Variants in AGBL4 observed in about 807,000 individuals in gnomAD.
AGBL4 encodes cytosolic carboxypeptidase 6.
A neutral mutation model predicts 66.4 loss-of-function variants in AGBL4; 58 were observed. The ratio of observed to expected loss-of-function variants is 0.87; its 90% confidence interval spans 0.71 to 1.09. The LOEUF (loss-of-function observed/expected upper bound fraction) is 1.09, where lower values mean the gene tolerates loss of function less well. AGBL4 is among the 50% of genes least tolerant of loss of function. The probability of loss-of-function intolerance (pLI) is 0.00; values close to 1 mark genes in which losing one functional copy is unlikely to be tolerated. For synonymous variants in AGBL4, 234 were observed against 222.9 expected, an observed-to-expected ratio of 1.05 and a Z score of -0.44; for missense variants, 579 against 631.0, an observed-to-expected ratio of 0.92 and a Z score of 0.88.
intron 1 of AGBL4, among the ~76,000 whole-genome samples, chr1:50,015,570 T>C (rs1661915906): frequency 6.6e-6 from 1 of 152,114 alleles, no homozygotes. Flanking sequence ...GATGAGACCA[T>C]CACTTGAGCT....
At chr1:49,103,781 T>C (rs569857719) in intron 4 of AGBL4, among the ~76,000 whole-genome samples, 2 of 152,298 alleles carry the variant, frequency 1.3e-5, no homozygotes, top group South Asian at 4.1e-4. Context: ...CTAATGGTCA[T>C]CTAGAAAAAC....
At chr1:49,358,954 T>C (rs1570516487) in intron 3 of AGBL4, among the ~76,000 whole-genome samples, 2 of 152,168 alleles carry the variant, frequency 1.3e-5, no homozygotes, top group South Asian at 4.1e-4. Context: ...TAGTTTTGCA[T>C]ATGTCTGTCT....
intron 4 of AGBL4, among the ~76,000 whole-genome samples, chr1:49,220,865 T>A (rs974629090): frequency 6.6e-6 from 1 of 152,196 alleles, no homozygotes; most frequent in South Asian, 2.1e-4. Flanking sequence ...CTATGAAGAT[T>A]AATGCAGGAA....
intron 2 of AGBL4, among the ~76,000 whole-genome samples, chr1:49,726,124 A>G (rs1350613990): frequency 6.6e-6 from 1 of 152,130 alleles, no homozygotes; most frequent in Non-Finnish European, 1.5e-5. Flanking sequence ...TTCTGTGTGG[A>G]GGACATTTGA....
In AGBL4 at chr1:49,419,731, A is replaced by C. The variant is rs557267089; in HGVS notation, c.283-173867T>G. Among the ~76,000 whole-genome samples, 44 of 152,324 alleles carry C rather than the reference A, an allele frequency of 2.9e-4. 1 individual carries two copies. Among genetic ancestry groups the C allele is most frequent in the African/African-American group, 1.0e-3 (42 of 41,580 alleles). ...TTGCCCAAGTGACATAAATTTAGGT[A>C]ATAATTCCCTGTGAACTAAAATGGT... is the stretch of plus-strand genomic sequence containing the variant. On this transcript the variant is annotated intron_variant, in intron 3 of 13. Coordinates refer to ENST00000371839, the MANE Select transcript of AGBL4 (RefSeq NM_032785.4).
intron 1 of AGBL4, among the ~76,000 whole-genome samples, chr1:49,854,216 C>A (rs936607400): frequency 6.6e-6 from 1 of 151,554 alleles, no homozygotes; most frequent in Non-Finnish European, 1.5e-5. Flanking sequence ...AAGTGTCAGG[C>A]CCCTCTAAAA....
At chr1:48,612,374 C>T (rs1645251608) in intron 9 of AGBL4, among the ~76,000 whole-genome samples, 1 of 152,142 alleles carries the variant, frequency 6.6e-6, no homozygotes, top group Non-Finnish European at 1.5e-5. Context: ...GAGACCAGCA[C>T]AAGGGGTTGG....
chr1:49,490,532 T>C (rs1169228150), intron 3 of AGBL4, among the ~76,000 whole-genome samples: 2 of 151,828 alleles, frequency 1.3e-5, no homozygotes, highest in Non-Finnish European at 2.9e-5. Flanking sequence ...TATCAAAGTT[T>C]GCTAGCCTCT....
At chr1:48,981,384 G>A (rs771148269) in intron 5 of AGBL4, among the ~76,000 whole-genome samples, 2 of 152,082 alleles carry the variant, frequency 1.3e-5, no homozygotes, top group Admixed American at 6.5e-5. Flanking sequence ...ATAACCCTGT[G>A]AGATAGGTTT....
intron 4 of AGBL4, among the ~76,000 whole-genome samples, chr1:49,126,943 C>A (rs1645777065): frequency 6.6e-6 from 1 of 152,066 alleles, no homozygotes; most frequent in Admixed American, 6.6e-5. Flanking sequence ...ATAAAAGACC[C>A]TAGACAGTTT....
intron 2 of AGBL4, among the ~76,000 whole-genome samples, chr1:49,740,260 A>T (rs1416585944): frequency 6.6e-6 from 1 of 152,178 alleles, no homozygotes; most frequent in Non-Finnish European, 1.5e-5. Flanking sequence ...CTAGTCTCTG[A>T]TAAAACAGAC....
chr1:48,889,978 C>T (rs1394554336), intron 5 of AGBL4, among the ~76,000 whole-genome samples: 2 of 121,914 alleles, frequency 1.6e-5, no homozygotes, highest in African/African-American at 5.5e-5. Flanking sequence ...CTCAAGATCA[C>T]AGCCTGCTTG....
chr1:48,702,143 C>T (rs151149339), intron 6 of AGBL4, among the ~76,000 whole-genome samples: 2 of 152,274 alleles, frequency 1.3e-5, no homozygotes, highest in East Asian at 3.9e-4. Context: ...GTCCCTAAAC[C>T]TTGGATGCAT....
intron 2 of AGBL4, among the ~76,000 whole-genome samples, chr1:49,789,112 T>C (rs1557447923): frequency 6.6e-6 from 1 of 152,238 alleles, no homozygotes; most frequent in Non-Finnish European, 1.5e-5. Flanking sequence ...GTGGTTTTTG[T>C]CATTGGTTCT....
intron 2 of AGBL4, chr1:49,842,216 A>G: frequency 4.6e-6 from 2 of 431,988 alleles, no homozygotes; most frequent in East Asian, 6.1e-5. Context: ...GGAGGAGTGG[A>G]GGCAGCTGGA....
At chr1:49,829,386 A>C (rs965666438) in intron 2 of AGBL4, among the ~76,000 whole-genome samples, 2 of 152,206 alleles carry the variant, frequency 1.3e-5, no homozygotes, top group Non-Finnish European at 2.9e-5. Context: ...TGCCAGGGTA[A>C]GACAGTATTG....
chr1:48,841,830 A>G (rs1353450220), intron 6 of AGBL4, among the ~76,000 whole-genome samples: 1 of 152,168 alleles, frequency 6.6e-6, no homozygotes, highest in Non-Finnish European at 1.5e-5. Context: ...TATTAAAAAA[A>G]TCTGTGGCAA....
chr1:49,556,382 TG>T (rs1643897699), intron 3 of AGBL4, among the ~76,000 whole-genome samples: 1 of 151,562 alleles, frequency 6.6e-6, no homozygotes, highest in Admixed American at 6.6e-5. Context: ...TGTCGTGAGG[TG>T]GGGGAAGGGG....
intron 1 of AGBL4, among the ~76,000 whole-genome samples, chr1:49,938,749 T>C (rs1436091696): frequency 6.6e-6 from 1 of 152,118 alleles, no homozygotes; most frequent in Non-Finnish European, 1.5e-5. Flanking sequence ...AAAAACCACA[T>C]GATTATCTCA....
Sources: allele counts gnomAD v4.1 joint callset (sites outside exome capture counted in the v4.1 genomes callset), GRCh38; gene constraint gnomAD v4.1.1; transcripts MANE v1.5; gene names NCBI Gene and HGNC (gene_info 2026-07-23, HGNC 2026-07-21).